Variants in RGPD2 observed in about 807,000 individuals in gnomAD.
The protein encoded by RGPD2 is RANBP2 like and GRIP domain containing 2, also known as RANBP2-like and GRIP domain-containing protein 2.
In RGPD2, 2 loss-of-function variants were observed where a neutral mutation model predicts 36.0. The observed-to-expected ratio is 0.06, with a 90% confidence interval of 0.02 to 0.17. The LOEUF (loss-of-function observed/expected upper bound fraction) is 0.17. RGPD2 is among the 10% of genes least tolerant of loss of function. The pLI, the probability that RGPD2 is intolerant of heterozygous loss-of-function variation, is 1.00. For synonymous variants in RGPD2, 19 were observed against 163.8 expected, an observed-to-expected ratio of 0.12 and a Z score of 6.75; for missense variants, 40 against 464.3, an observed-to-expected ratio of 0.09 and a Z score of 8.40.
the RGPD2 span, among the ~76,000 whole-genome samples, chr2:87,915,606 G>GTA: frequency 2.9e-5 from 4 of 137,810 alleles, no homozygotes; most frequent in Non-Finnish European, 3.2e-5. Flanking sequence ...ATATGTGTGT[G>GTA]TATATATATA....
chr2:87,785,369 AT>A (rs1209669804), intron 18 of RGPD2, among the ~76,000 whole-genome samples, 200 bp from the exon 19 acceptor site: 3 of 108,716 alleles, frequency 2.8e-5, no homozygotes, highest in African/African-American at 9.9e-5. Flanking sequence ...TAAATATGAC[AT>A]GAAGAATAAG....
the RGPD2 span, among the ~76,000 whole-genome samples, chr2:87,973,923 C>A: frequency 2.0e-3 from 297 of 151,658 alleles, no homozygotes; most frequent in African/African-American, 6.7e-3. Flanking sequence ...CAAATGCTAG[C>A]CTGGTTATTA....
chr2:87,858,190 A>G, the RGPD2 span, among the ~76,000 whole-genome samples: 10 of 152,056 alleles, frequency 6.6e-5, no homozygotes, highest in Admixed American at 1.3e-4. Context: ...AGGCAGGAGA[A>G]TTGCTTGAAC....
At chr2:87,839,633 G>A in the RGPD2 span, among the ~76,000 whole-genome samples, 2 of 152,126 alleles carry the variant, frequency 1.3e-5, no homozygotes, top group East Asian at 3.9e-4. Context: ...AACATGGATG[G>A]AGCTGGAGGC....
At chr2:87,915,272 G>GTGTATATATATATGTATATTATATATAT in the RGPD2 span, among the ~76,000 whole-genome samples, 1 of 139,704 alleles carries the variant, frequency 7.2e-6, no homozygotes, top group African/African-American at 2.7e-5. Context: ...GTGTGTGTGT[G>GTGTATATATATATGTATATTATATATAT]TGTATATATA....
At chr2:87,769,341 A>G (rs910061438) in intron 22 of RGPD2, among the ~76,000 whole-genome samples, 1 of 152,158 alleles carries the variant, frequency 6.6e-6, no homozygotes, top group African/African-American at 2.4e-5. Context: ...TTTAATTGTA[A>G]TAAGGTCTCT....
the RGPD2 span, chr2:87,972,755 C>T: frequency 5.0e-6 from 8 of 1,611,150 alleles, no homozygotes; most frequent in African/African-American, 1.3e-5. Context: ...AGTGAACAAC[C>T]AGCCCTACCT....
chr2:87,876,893 T>C, the RGPD2 span, among the ~76,000 whole-genome samples: 1 of 152,162 alleles, frequency 6.6e-6, no homozygotes, highest in African/African-American at 2.4e-5. Flanking sequence ...TGCTCCTATA[T>C]TAGGTGCATA....
chr2:87,798,786 T>G lies in RGPD2; in HGVS notation c.1064-612A>C, dbSNP rs1475538712. Among the ~76,000 whole-genome samples the G allele has an allele frequency of 2.3e-4, 26 of 112,770 alleles. 1 individual carries two copies. The highest frequency in any genetic ancestry group is 8.2e-4 in the African/African-American group (26 of 31,692). 74.0% of individuals were successfully genotyped at this position (112,770 alleles called of 152,430 possible). A position where few individuals can be genotyped will look rare whatever the true frequency, so the allele number is the denominator to read the frequency against. ...GGGAGGCTGAGGGAGGAGAATGGCG[T>G]GAACCCGGGAGGCGGAGCTTGCAGT... On this transcript the variant is annotated intron_variant, in intron 8 of 22. Transcript: ENST00000398146.
At chr2:87,888,547 G>A in the RGPD2 span, among the ~76,000 whole-genome samples, 38 of 85,794 alleles carry the variant, frequency 4.4e-4, no homozygotes, top group African/African-American at 1.6e-3. Flanking sequence ...AGAACAAATC[G>A]GGGCATGGAA....
At chr2:87,980,171 T>G in the RGPD2 span, among the ~76,000 whole-genome samples, 2 of 151,540 alleles carry the variant, frequency 1.3e-5, no homozygotes, top group African/African-American at 4.8e-5. Flanking sequence ...GCCAACATGG[T>G]GAAACCCTGT....
At chr2:87,980,185 T>C in the RGPD2 span, among the ~76,000 whole-genome samples, 1 of 151,282 alleles carries the variant, frequency 6.6e-6, no homozygotes, top group Non-Finnish European at 1.5e-5. Context: ...ACCCTGTCTC[T>C]ACCAAAACTA....
chr2:87,877,084 T>C, the RGPD2 span, among the ~76,000 whole-genome samples: 1 of 152,260 alleles, frequency 6.6e-6, no homozygotes, highest in South Asian at 2.1e-4. Flanking sequence ...TTTATTTTGA[T>C]CCTATCTGTG....
At chr2:87,881,134 G>A in the RGPD2 span, among the ~76,000 whole-genome samples, 1 of 152,090 alleles carries the variant, frequency 6.6e-6, no homozygotes, top group African/African-American at 2.4e-5. Flanking sequence ...CAAGGGGTGG[G>A]CTCACAAGGC....
At chr2:87,824,920 A>T (rs747427880) in intron 1 of RGPD2, 1 of 354,826 alleles carries the variant, frequency 2.8e-6, no homozygotes, top group Non-Finnish European at 5.0e-6. Context: ...GATTAAGAGA[A>T]CCAACACCTC....
the RGPD2 span, among the ~76,000 whole-genome samples, chr2:87,874,717 T>G: frequency 3.9e-5 from 6 of 152,404 alleles, no homozygotes; most frequent in East Asian, 7.7e-4. Flanking sequence ...AGGGTCTTTT[T>G]TGGTTCCATA....
the RGPD2 span, among the ~76,000 whole-genome samples, chr2:87,978,150 C>T: frequency 1.5e-4 from 23 of 150,762 alleles, no homozygotes; most frequent in African/African-American, 3.4e-4. Context: ...AAAACTGATA[C>T]ATTGGATAAC....
the RGPD2 span, chr2:87,989,127 T>C: frequency 5.7e-6 from 3 of 524,694 alleles, no homozygotes; most frequent in South Asian, 1.0e-4. Flanking sequence ...GAGGTGGCAA[T>C]TTCAGGAACA....
the RGPD2 span, among the ~76,000 whole-genome samples, chr2:87,875,495 A>G: frequency 2.6e-5 from 4 of 152,224 alleles, no homozygotes; most frequent in Non-Finnish European, 5.9e-5. Context: ...TGTTTATGTG[A>G]TGAATCACAT....
Sources: allele counts gnomAD v4.1 joint callset (sites outside exome capture counted in the v4.1 genomes callset), GRCh38; gene constraint gnomAD v4.1.1; transcripts MANE v1.5; gene names NCBI Gene and HGNC (gene_info 2026-07-23, HGNC 2026-07-21).